The following TSHZ2 variants were observed in gnomAD, a reference collection of about 807,000 sequenced individuals.
TSHZ2 encodes the protein teashirt homolog 2.
Under a neutral mutation model 74.4 loss-of-function variants are expected in TSHZ2, and 21 were observed. That is an observed-to-expected ratio of 0.28 (90% confidence interval 0.20 to 0.41). TSHZ2 has a LOEUF of 0.41. Ranked by LOEUF, TSHZ2 falls within the 10% of genes least tolerant of loss-of-function variation. The pLI is 1.00. For synonymous variants in TSHZ2, 540 were observed against 515.3 expected, an observed-to-expected ratio of 1.05 and a Z score of -0.65; for missense variants, 1,244 against 1,293.5, an observed-to-expected ratio of 0.96 and a Z score of 0.59.
chr20:53,274,929 T>TC (rs1426773165), intron 2 of TSHZ2, among the ~76,000 whole-genome samples: 1 of 152,164 alleles, frequency 6.6e-6, no homozygotes, highest in Non-Finnish European at 1.5e-5. Context: ...CACAGGTTTT[T>TC]CCCCCAAGAA....
intron 1 of TSHZ2, among the ~76,000 whole-genome samples, chr20:53,207,836 C>T (rs751421476): frequency 1.3e-4 from 19 of 148,102 alleles, no homozygotes; most frequent in East Asian, 5.9e-4. Flanking sequence ...CATGCACCAT[C>T]GTGCCCAGAT....
At chr20:53,108,258 T>A (rs998502846) in intron 1 of TSHZ2, among the ~76,000 whole-genome samples, 1 of 151,926 alleles carries the variant, frequency 6.6e-6, no homozygotes, top group African/African-American at 2.4e-5. Flanking sequence ...CCAGAGAGAG[T>A]CTGAGCTTGA....
At chr20:53,141,785 T>A in intron 1 of TSHZ2, among the ~76,000 whole-genome samples, 1 of 152,246 alleles carries the variant, frequency 6.6e-6, no homozygotes, top group East Asian at 1.9e-4. Context: ...ATTTAGCATA[T>A]CAGCTTGTCA....
chr20:53,037,006 A>G (rs1462575282), intron 1 of TSHZ2, among the ~76,000 whole-genome samples: 1 of 152,016 alleles, frequency 6.6e-6, no homozygotes, highest in Non-Finnish European at 1.5e-5. Context: ...ATAGTATTGT[A>G]TTTAATTATG....
intron 1 of TSHZ2, among the ~76,000 whole-genome samples, chr20:53,128,458 A>G (rs7266869): frequency 0.095 from 14,482 of 152,140 alleles, 1,998 homozygotes; most frequent in African/African-American, 0.31. Flanking sequence ...TTATATTTTA[A>G]GACAGTAGAT....
At chr20:53,388,772 G>C (rs1185562275) in intron 2 of TSHZ2, among the ~76,000 whole-genome samples, 1 of 151,722 alleles carries the variant, frequency 6.6e-6, no homozygotes, top group East Asian at 1.9e-4. Flanking sequence ...GTAGAGATGG[G>C]GTTTTTCACC....
intron 2 of TSHZ2, among the ~76,000 whole-genome samples, chr20:53,479,421 T>C (rs539198846): frequency 6.6e-6 from 1 of 152,222 alleles, no homozygotes; most frequent in South Asian, 2.1e-4. Flanking sequence ...ATGTGCGCCA[T>C]AGGCAGACTC....
At chr20:53,232,309 C>G (rs1311154409) in intron 1 of TSHZ2, among the ~76,000 whole-genome samples, 1 of 152,180 alleles carries the variant, frequency 6.6e-6, no homozygotes, top group African/African-American at 2.4e-5. Flanking sequence ...ATCTAATTCA[C>G]ACGTTTATTT....
At chr20:53,231,137 C>A (rs1328316245) in intron 1 of TSHZ2, among the ~76,000 whole-genome samples, 1 of 152,184 alleles carries the variant, frequency 6.6e-6, no homozygotes, top group African/African-American at 2.4e-5. Flanking sequence ...AGCTTATTTT[C>A]TGCAAATGCC....
chr20:53,135,268 A>T (rs1987217021), intron 1 of TSHZ2, among the ~76,000 whole-genome samples: 1 of 152,164 alleles, frequency 6.6e-6, no homozygotes, highest in Non-Finnish European at 1.5e-5. Context: ...CCAGCCCTCC[A>T]GAAAACTCCC....
intron 1 of TSHZ2, among the ~76,000 whole-genome samples, chr20:53,021,329 C>T (rs1310631148): frequency 3.9e-5 from 6 of 152,136 alleles, no homozygotes; most frequent in Non-Finnish European, 8.8e-5. Context: ...CCACCCCAGA[C>T]CTACTGAATC....
chr20:53,378,130 A>G (rs1981727564), intron 2 of TSHZ2, among the ~76,000 whole-genome samples: 1 of 152,146 alleles, frequency 6.6e-6, no homozygotes, highest in Non-Finnish European at 1.5e-5. Context: ...ACCTGAGGTC[A>G]GGAGTTCAAT....
At chr20:53,120,747 T>C (rs1986785987) in intron 1 of TSHZ2, among the ~76,000 whole-genome samples, 1 of 152,208 alleles carries the variant, frequency 6.6e-6, no homozygotes, top group African/African-American at 2.4e-5. Context: ...ATTACCTGTG[T>C]CTTAGGCAAA....
intron 2 of TSHZ2, among the ~76,000 whole-genome samples, chr20:53,275,387 G>A (rs996059468): frequency 2.6e-5 from 4 of 151,864 alleles, no homozygotes; most frequent in Admixed American, 1.3e-4. Flanking sequence ...TCTGAAATGG[G>A]GAATTATAAC....
At chr20:53,404,161 T>C (rs1309922565) in intron 2 of TSHZ2, among the ~76,000 whole-genome samples, 2 of 152,164 alleles carry the variant, frequency 1.3e-5, no homozygotes, top group African/African-American at 4.8e-5. Flanking sequence ...GGACTAAAAT[T>C]TCATTGTATT....
chr20:53,343,259 A>C lies in TSHZ2; in HGVS notation c.*8+86688A>C, dbSNP rs544906205. ...TGGGATTACAGGCGTGAGCCACCGC[A>C]CCGGGCCAGGACCCGTATTTCTAAC... On this transcript the variant is annotated intron_variant, in intron 2 of 2. Transcript: ENST00000371497. Among the ~76,000 whole-genome samples the C allele has an allele frequency of 2.0e-5, 3 of 151,972 alleles. No individual in the cohort carries two copies. The East Asian group carries it at 5.8e-4, about 29-fold the overall frequency.
At chr20:53,284,506 C>T (rs1437547548) in intron 2 of TSHZ2, among the ~76,000 whole-genome samples, 2 of 152,056 alleles carry the variant, frequency 1.3e-5, no homozygotes, top group Non-Finnish European at 2.9e-5. Context: ...ATTGGTGAGC[C>T]GATTCCCGAT....
chr20:53,028,608 C>T (rs543540933), intron 1 of TSHZ2, among the ~76,000 whole-genome samples: 22 of 152,264 alleles, frequency 1.4e-4, no homozygotes, highest in African/African-American at 4.8e-4. Flanking sequence ...TGCTTTTTGG[C>T]GGAGGTGGTG....
intron 2 of TSHZ2, among the ~76,000 whole-genome samples, chr20:53,402,282 C>T (rs112065858): frequency 5.9e-5 from 9 of 152,254 alleles, no homozygotes; most frequent in African/African-American, 2.2e-4. Flanking sequence ...CACTGTTTTC[C>T]ATAATGGTTG....
Sources: allele counts gnomAD v4.1 joint callset (sites outside exome capture counted in the v4.1 genomes callset), GRCh38; gene constraint gnomAD v4.1.1; transcripts MANE v1.5; gene names NCBI Gene and HGNC (gene_info 2026-07-23, HGNC 2026-07-21).